The following MPPED1 variants were observed in gnomAD, a reference collection of about 807,000 sequenced individuals.
The protein encoded by MPPED1 is metallophosphoesterase domain containing 1.
In MPPED1, 16 loss-of-function variants were observed where a neutral mutation model predicts 36.2. The ratio of observed to expected loss-of-function variants is 0.44; its 90% confidence interval spans 0.30 to 0.67. The LOEUF is 0.67. Ranked by LOEUF, MPPED1 falls within the 30% of genes least tolerant of loss-of-function variation. The pLI is 0.10. For missense variants in MPPED1, 307 were observed against 453.4 expected, an observed-to-expected ratio of 0.68 and a Z score of 2.93; for synonymous variants, 199 against 191.3, an observed-to-expected ratio of 1.04 and a Z score of -0.33.
chr22:43,435,308 C>A, intron 3 of MPPED1, 93 bp downstream of exon 3: 1 of 1,391,966 alleles, frequency 7.2e-7, no homozygotes, highest in East Asian at 2.5e-5. Flanking sequence ...TTCCCTCCTG[C>A]GCTGCCCGGG....
chr22:43,422,204 G>T (rs1055076603), intron 1 of MPPED1, among the ~76,000 whole-genome samples: 3 of 152,228 alleles, frequency 2.0e-5, no homozygotes, highest in Non-Finnish European at 4.4e-5. Flanking sequence ...GCTAGGTCTG[G>T]GGGCCCAGCC....
chr22:43,474,751 A>T lies in MPPED1; in HGVS notation c.422A>T (p.Glu141Val). The T allele has an allele frequency of 2.5e-6, 4 of 1,613,986 alleles. No homozygotes were observed. Among genetic ancestry groups the T allele is most frequent in the Non-Finnish European group, 3.4e-6 (4 of 1,179,884 alleles). Residue 141 changes from glutamate (E) to valine (V), a missense_variant, in exon 4 of 7, where the codon GAG (glutamate) becomes GTG (valine). Glu to Val is a moderately radical substitution (Grantham distance 121, BLOSUM62 -2). Transcript: ENST00000443721. This position sits in a 1 kb window ranked among gnomAD's most constrained non-coding sequence, Gnocchi z 5.2. ...ACCCCTGCAGGCAGCCTGCCCTACG[A>T]GTACAAGATCGTGATCGCAGGCAAC... Reference protein sequence around the residue: ...FNEWLGSLPYEYKIVIAGNHE... With the variant: ...FNEWLGSLPYVYKIVIAGNHE...
At position 43,474,767 on chromosome 22, in the gene MPPED1, C is replaced by T. The variant is rs369069551; in HGVS notation, c.438C>T (p.Ile146=). Residue 146 remains isoleucine, a synonymous_variant, in exon 4 of 7, where the codon ATC becomes ATT. Transcript: ENST00000443721. The surrounding 1 kb of genome is among the most constrained non-coding windows in gnomAD (Gnocchi z 5.2). ...GSLPYEYKIV[I]AGNHELTFDQ... The stretch of plus-strand genomic sequence containing the variant: ...TGCCCTACGAGTACAAGATCGTGAT[C>T]GCAGGCAACCACGAGCTGACCTTTG... 34 of 1,613,904 alleles carry T rather than the reference C, an allele frequency of 2.1e-5. No homozygotes were observed. The African/African-American group carries it at 2.1e-4, about 10-fold the overall frequency.
chr22:43,424,949 C>A lies in MPPED1; in HGVS notation c.-37C>A. On this transcript the variant is annotated 5_prime_UTR_variant, in exon 2 of 7. Transcript: ENST00000443721. Reference sequence around the variant, plus strand: ...GCGGGGGGCCGGGCTGCGGTGGCGGCAGCGGTGGGAGATGCCGGGGCGGCC... The same window carrying A: ...GCGGGGGGCCGGGCTGCGGTGGCGGAAGCGGTGGGAGATGCCGGGGCGGCC... 6.5e-7 allele frequency: 1 copy of A among 1,549,480 alleles called. No homozygotes were observed.
chr22:43,412,703 A>ATCCATCCATCCATCCATCCC (rs1928947968), intron 1 of MPPED1, among the ~76,000 whole-genome samples: 1 of 149,838 alleles, frequency 6.7e-6, no homozygotes, highest in Non-Finnish European at 1.5e-5. Flanking sequence ...CCATCCATCC[A>ATCCATCCATCCATCCATCCC]CTCACTCAAC....
At chr22:43,482,763 G>C (rs1435533397) in intron 4 of MPPED1, among the ~76,000 whole-genome samples, 2 of 152,254 alleles carry the variant, frequency 1.3e-5, no homozygotes, top group African/African-American at 4.8e-5. Context: ...CACAGCCATG[G>C]GACAGAGCTG....
At chr22:43,496,055 ATGG>A (rs1932328102) in intron 4 of MPPED1, among the ~76,000 whole-genome samples, 1 of 4,144 alleles carries the variant, frequency 2.4e-4, no homozygotes. Flanking sequence ...GGAGGTGGTG[ATGG>A]TGGAGGTGGT....
At chr22:43,420,408 ATT>A (rs5845607) in intron 1 of MPPED1, among the ~76,000 whole-genome samples, 23 of 141,600 alleles carry the variant, frequency 1.6e-4, no homozygotes, top group South Asian at 6.8e-4. Flanking sequence ...TCAGATAGAC[ATT>A]TTTTTTTTTT....
chr22:43,482,691 C>T (rs970459763), intron 4 of MPPED1, among the ~76,000 whole-genome samples: 6 of 152,222 alleles, frequency 3.9e-5, no homozygotes, highest in Non-Finnish European at 8.8e-5. Flanking sequence ...ACACCTGCTG[C>T]TCGACGTTTA....
rs1555900004 is a variant in MPPED1, at chr22:43,447,869, A to ATATATATATATAT, written c.406+12655_406+12667dup. On this transcript the variant is annotated intron_variant, in intron 3 of 6. Coordinates refer to ENST00000443721, the MANE Select transcript of MPPED1 (RefSeq NM_001044370.2). ...TTATATATGTAAATATTATATATAT[A>ATATATATATATAT]TATATATATATATATTTTTTTTTTT... 2.2e-3 allele frequency among the ~76,000 whole-genome samples: 61 copies of ATATATATATATAT among 27,998 alleles called. 2 individuals carry two copies. The highest frequency in any genetic ancestry group is 9.0e-3 in the African/African-American group (57 of 6,308). 18.4% of individuals were successfully genotyped at this position (27,998 alleles called of 152,430 possible).
At chr22:43,422,601 G>T (rs1047600628) in intron 1 of MPPED1, among the ~76,000 whole-genome samples, 2 of 152,158 alleles carry the variant, frequency 1.3e-5, no homozygotes, top group African/African-American at 2.4e-5. Context: ...GGCACCCCTT[G>T]CTCCTGGAAC....
chr22:43,504,965 GTGATGATAAAGGTAGTGA>G (rs1569093916), intron 6 of MPPED1, among the ~76,000 whole-genome samples: 1 of 151,360 alleles, frequency 6.6e-6, no homozygotes, highest in African/African-American at 2.4e-5. Flanking sequence ...GATGGTGGTG[GTGATGATAAAGGTAGTGA>G]TGATGATGAC....
chr22:43,443,703 A>G (rs1353028795), intron 3 of MPPED1, among the ~76,000 whole-genome samples: 1 of 151,916 alleles, frequency 6.6e-6, no homozygotes, highest in Non-Finnish European at 1.5e-5. Flanking sequence ...TTTTTTAAAG[A>G]GCTAACAAGA....
At chr22:43,484,188 A>G (rs1931839160) in intron 4 of MPPED1, among the ~76,000 whole-genome samples, 1 of 152,216 alleles carries the variant, frequency 6.6e-6, no homozygotes, top group Admixed American at 6.5e-5. Flanking sequence ...AGGTGAGGCA[A>G]AGACTTTCCC....
rs889206846 is a variant in MPPED1 at position 43,507,459 on chromosome 22, G to A, written c.*1843G>A. 3 of 152,148 alleles carry A rather than the reference G, an allele frequency of 2.0e-5. No homozygotes were observed. The highest frequency in any genetic ancestry group is 7.2e-5 in the African/African-American group (3 of 41,410). The allele number at this position is 152,148 out of a possible 1,614,324, so 9.4% of individuals were successfully genotyped here. On this transcript the variant is annotated 3_prime_UTR_variant, in exon 7 of 7. Coordinates refer to ENST00000443721, the MANE Select transcript of MPPED1 (RefSeq NM_001044370.2). Reference sequence around the variant, plus strand: ...CTGAAGCTGAGCGCCGTGGGGTGCAGGGCTCCAGGAATCCCGTTTGGCTGA... The same window carrying A: ...CTGAAGCTGAGCGCCGTGGGGTGCAAGGCTCCAGGAATCCCGTTTGGCTGA...
rs181673867 is a variant in MPPED1 at position 43,429,084 on chromosome 22, A to T, written c.224+3875A>T. On this transcript the variant is annotated intron_variant, in intron 2 of 6. Coordinates refer to ENST00000443721, the MANE Select transcript of MPPED1 (RefSeq NM_001044370.2). ...CAGGCTGCACCGGGTCCTTGAAGCT[A>T]CAGCAGAGTGGGATGGAAGGCCACA... Among the ~76,000 whole-genome samples the T allele has an allele frequency of 2.5e-4, 38 of 152,306 alleles. No homozygotes were observed. In the East Asian group the frequency reaches 4.2e-3, roughly 17 times the overall value.
rs1932499701 is a variant in MPPED1, at chr22:43,498,367, C to T, written c.748+17C>T. The T allele has an allele frequency of 6.5e-7, 1 of 1,527,412 alleles. No individual in the cohort carries two copies. Among genetic ancestry groups the T allele is most frequent in the African/African-American group, 1.4e-5 (1 of 72,814 alleles). 94.6% of individuals were successfully genotyped at this position (1,527,412 alleles called of 1,614,324 possible). On this transcript the variant is annotated intron_variant, in intron 5 of 6. Coordinates refer to ENST00000443721, the MANE Select transcript of MPPED1 (RefSeq NM_001044370.2). ...CACCACTGGGTAAGGCTCTGCTGGCCTGGCCCTCCAGCTCGCCCATCTGGG... is the reference window on the plus strand; with the variant it reads ...CACCACTGGGTAAGGCTCTGCTGGCTTGGCCCTCCAGCTCGCCCATCTGGG...
chr22:43,479,696 C>G (rs953742471), intron 4 of MPPED1, among the ~76,000 whole-genome samples: 3 of 152,192 alleles, frequency 2.0e-5, no homozygotes, highest in Non-Finnish European at 4.4e-5. Flanking sequence ...ATGCATGGAC[C>G]CATTCCCAGG....
chr22:43,467,929 G>A (rs1931230017), intron 3 of MPPED1, among the ~76,000 whole-genome samples: 1 of 152,168 alleles, frequency 6.6e-6, no homozygotes, highest in Non-Finnish European at 1.5e-5. Context: ...TAAATGGGAT[G>A]GGTAAGTGTT....
Sources: allele counts gnomAD v4.1 joint callset (sites outside exome capture counted in the v4.1 genomes callset), GRCh38; gene constraint gnomAD v4.1.1; non-coding constraint Gnocchi (gnomAD v3.1); transcripts MANE v1.5; gene names NCBI Gene and HGNC (gene_info 2026-07-23, HGNC 2026-07-21).